TNFRSF11A: variants seen among roughly 807,000 people sequenced by gnomAD.
TNFRSF11A encodes the protein TNF receptor superfamily member 11a.
In TNFRSF11A, 32 loss-of-function variants were observed where a neutral mutation model predicts 55.7. The observed-to-expected ratio is 0.57, with a 90% CI of 0.43 to 0.77. TNFRSF11A has a LOEUF of 0.77. Among genes scored for constraint, TNFRSF11A ranks in the 30% least tolerant of loss-of-function variants. TNFRSF11A has a pLI of 0.00. For missense variants in TNFRSF11A, 753 were observed against 809.8 expected (o/e 0.93, Z 0.85); for synonymous variants, 311 against 331.0 (o/e 0.94, Z 0.65).
intron 1 of TNFRSF11A, among the ~76,000 whole-genome samples, chr18:62,339,413 A>C (rs948153304): frequency 1.3e-5 from 2 of 152,190 alleles, no homozygotes; most frequent in Non-Finnish European, 2.9e-5. Context: ...ATTCAAAGCC[A>C]AGGAAGACGT....
Position 62,354,439 on chromosome 18 carries a change from G to A in TNFRSF11A, c.332G>A (p.Arg111His). 1.3e-6 allele frequency: 2 copies of A among 1,598,436 alleles called. No individual in the cohort carries two copies. Among genetic ancestry groups the A allele is most frequent in the South Asian group, 1.1e-5 (1 of 90,778 alleles). Residue 111 changes from arginine to histidine, a missense_variant, in exon 4 of 10, where the codon CGC becomes CAC. Physicochemically the swap from Arg to His is conservative, Grantham distance 29. This residue lies in a region of TNFRSF11A where 156 missense variants were observed against 155.1 expected (regional missense o/e 1.01). Coordinates refer to ENST00000586569, the MANE Select transcript of TNFRSF11A (RefSeq NM_003839.4). ...VVAGNSTTPR[R>H]CACTAGYHWS... The stretch of plus-strand genomic sequence containing the variant: ...GCCGGCAACAGCACGACCCCCCGGC[G>A]CTGCGCGTGCACGGCTGGGTACCAC...
intron 4 of TNFRSF11A, among the ~76,000 whole-genome samples, chr18:62,357,294 G>C (rs529542323): frequency 6.6e-6 from 1 of 152,354 alleles, no homozygotes; most frequent in East Asian, 1.9e-4. Context: ...AGTAGCCAAT[G>C]TTCTTCTTGG....
intron 6 of TNFRSF11A, among the ~76,000 whole-genome samples, chr18:62,360,712 G>A (rs145293479): frequency 0.048 from 7,383 of 152,238 alleles, 256 homozygotes; most frequent in Admixed American, 0.092. Flanking sequence ...CTCCCAAAGT[G>A]CTAGGATTAC....
chr18:62,348,310 T>C lies in TNFRSF11A; in HGVS notation c.157+61T>C. On this transcript the variant is annotated intron_variant, in intron 2 of 9. Coordinates refer to ENST00000586569, the MANE Select transcript of TNFRSF11A (RefSeq NM_003839.4). ...CAAAAGTGGGTGAGGCTTTCATTATTTTTTCTGTCTGCCAGATGAAAAAAA... is the reference window on the plus strand; with the variant it reads ...CAAAAGTGGGTGAGGCTTTCATTATCTTTTCTGTCTGCCAGATGAAAAAAA... 4 of 1,470,398 alleles carry C rather than the reference T, an allele frequency of 2.7e-6. No individual in the cohort carries two copies. In the South Asian group the frequency reaches 4.6e-5, roughly 17 times the overall value. 91.1% of individuals were successfully genotyped at this position (1,470,398 alleles called of 1,614,324 possible).
intron 2 of TNFRSF11A, 83 bp from the exon 3 acceptor site, chr18:62,349,729 C>T: frequency 6.5e-7 from 1 of 1,534,416 alleles, no homozygotes; most frequent in East Asian, 2.3e-5. Flanking sequence ...TAGATGGGTG[C>T]AATTTTTGTT....
Position 62,383,350 on chromosome 18 carries a change from G to A in TNFRSF11A, c.1568-1401G>A, listed in dbSNP as rs1028748217. ...CTCCTCAAAGGAATTTCCTACATGC[G>A]TATCGGTATTTTAGTCAGGCCATCC... On this transcript the variant is annotated intron_variant, in intron 9 of 9. Transcript: ENST00000586569. The surrounding 1 kb of genome is among the most constrained non-coding windows in gnomAD (Gnocchi z 4.2). Among the ~76,000 whole-genome samples, 2 of 152,190 alleles carry A rather than the reference G, an allele frequency of 1.3e-5. No homozygotes were observed. Among genetic ancestry groups the A allele is most frequent in the Admixed American group, 6.5e-5 (1 of 15,278 alleles).
intron 1 of TNFRSF11A, among the ~76,000 whole-genome samples, chr18:62,334,415 A>G (rs1223191456): frequency 6.6e-6 from 1 of 152,090 alleles, no homozygotes; most frequent in African/African-American, 2.4e-5. Context: ...ACCGCCTCAG[A>G]GGGTCGCATC....
At chr18:62,384,116 G>T (rs1244277731) in intron 9 of TNFRSF11A, among the ~76,000 whole-genome samples, 3 of 151,844 alleles carry the variant, frequency 2.0e-5, no homozygotes, top group Non-Finnish European at 2.9e-5. Flanking sequence ...TGTAACATCT[G>T]AATCTTGTCT....
chr18:62,375,147 C>T (rs1053579522), intron 9 of TNFRSF11A, among the ~76,000 whole-genome samples: 3 of 151,056 alleles, frequency 2.0e-5, no homozygotes, highest in Admixed American at 6.6e-5. Context: ...AACTCCTGAG[C>T]TCAAACGGAT....
At chr18:62,331,152 C>T (rs1372452733) in intron 1 of TNFRSF11A, among the ~76,000 whole-genome samples, 3 of 152,026 alleles carry the variant, frequency 2.0e-5, no homozygotes, top group East Asian at 1.9e-4. Flanking sequence ...TACAGTGAAC[C>T]GAGTGGCACC....
At chr18:62,346,844 A>G (rs2046391003) in intron 1 of TNFRSF11A, among the ~76,000 whole-genome samples, 3 of 152,176 alleles carry the variant, frequency 2.0e-5, no homozygotes, top group South Asian at 2.1e-4. Context: ...GCACTTTCAT[A>G]TGCAGATGAA....
chr18:62,348,621 A>G (rs1464760406), intron 2 of TNFRSF11A, among the ~76,000 whole-genome samples: 1 of 152,214 alleles, frequency 6.6e-6, no homozygotes, highest in Non-Finnish European at 1.5e-5. Flanking sequence ...CAGAAATTTT[A>G]TTTTGGAATA....
intron 2 of TNFRSF11A, among the ~76,000 whole-genome samples, chr18:62,349,160 CTATT>C (rs2046427863): frequency 6.7e-6 from 1 of 148,678 alleles, no homozygotes; most frequent in Non-Finnish European, 1.5e-5. Flanking sequence ...AATCATCATT[CTATT>C]CCTTTTTTTT....
chr18:62,375,162 A>G (rs2145373511), intron 9 of TNFRSF11A, among the ~76,000 whole-genome samples: 1 of 150,962 alleles, frequency 6.6e-6, no homozygotes, highest in East Asian at 2.0e-4. Context: ...ACGGATCCAC[A>G]CACCTAGGCC....
intron 9 of TNFRSF11A, among the ~76,000 whole-genome samples, chr18:62,378,648 C>A (rs192593846): frequency 7.4e-4 from 113 of 152,306 alleles, no homozygotes; most frequent in Non-Finnish European, 1.2e-3. Flanking sequence ...TCTTGTTTGA[C>A]CCTTATGCTA....
rs1468119440 is a variant in TNFRSF11A at position 62,360,010 on chromosome 18, G to A, written c.577G>A (p.Val193Ile). 2 of 1,614,002 alleles carry A rather than the reference G, an allele frequency of 1.2e-6. No homozygotes were observed. The highest frequency in any genetic ancestry group is 1.7e-5 in the Admixed American group (1 of 60,012). ...TCATGGGACAGAGAAATCCGATGCG[G>A]TTTGCAGTTCTTCTCTGCCAGCTAG... is the stretch of plus-strand genomic sequence containing the variant. Reference protein sequence around the residue: ...EHHGTEKSDAVCSSSLPARKP... With the variant: ...EHHGTEKSDAICSSSLPARKP... Residue 193 changes from valine (V) to isoleucine (I), a missense_variant, in exon 6 of 10, where the codon GTT (valine) becomes ATT (isoleucine). Around this residue, in one of 3 missense-constraint regions of TNFRSF11A, gnomAD observed 567 missense variants for 596.7 expected, o/e 0.95. Coordinates refer to ENST00000586569, the MANE Select transcript of TNFRSF11A (RefSeq NM_003839.4).
chr18:62,346,302 A>G (rs1392319262), intron 1 of TNFRSF11A, among the ~76,000 whole-genome samples: 2 of 152,150 alleles, frequency 1.3e-5, no homozygotes, highest in East Asian at 3.8e-4. Flanking sequence ...TTTTTGACCC[A>G]GTTTGCATGG....
rs2046061726 is a variant in TNFRSF11A at position 62,325,648 on chromosome 18, T to G, written c.75+221T>G. Among the ~76,000 whole-genome samples the G allele has an allele frequency of 6.6e-6, 1 of 152,086 alleles. No individual in the cohort carries two copies. ...AAACTGGGGCGCAGAAGGAGCAGGT[T>G]GGCGGGACCGCAACACCCGAAACGG... On this transcript the variant is annotated intron_variant, in intron 1 of 9. Transcript: ENST00000586569. The surrounding 1 kb of genome is among the most constrained non-coding windows in gnomAD (Gnocchi z 4.7).
At chr18:62,344,029 C>T (rs2145275642) in intron 1 of TNFRSF11A, among the ~76,000 whole-genome samples, 1 of 152,292 alleles carries the variant, frequency 6.6e-6, no homozygotes, top group East Asian at 1.9e-4. Context: ...CAAGAGCAAC[C>T]TGATCCCAGC....
Sources: allele counts gnomAD v4.1 joint callset (sites outside exome capture counted in the v4.1 genomes callset), GRCh38; gene constraint gnomAD v4.1.1; regional missense constraint gnomAD v4.1.1; non-coding constraint Gnocchi (gnomAD v3.1); transcripts MANE v1.5; gene names NCBI Gene and HGNC (gene_info 2026-07-23, HGNC 2026-07-21).